The following RBBP8 variants were observed in gnomAD, a reference collection of about 807,000 sequenced individuals.
RBBP8 encodes DNA endonuclease RBBP8.
Under a neutral mutation model 108.3 loss-of-function variants are expected in RBBP8, and 88 were observed. The ratio of observed to expected loss-of-function variants is 0.81; its 90% CI spans 0.68 to 0.97. RBBP8 has a LOEUF of 0.97. Among genes scored for constraint, RBBP8 ranks in the 50% least tolerant of loss-of-function variants. RBBP8 has a pLI of 0.00. For missense variants in RBBP8, 1,023 were observed against 1,049.0 expected (o/e 0.98, Z 0.34); for synonymous variants, 332 against 348.2 (o/e 0.95, Z 0.52).
At chr18:22,980,834 C>G (rs894563908) in intron 6 of RBBP8, among the ~76,000 whole-genome samples, 3 of 151,478 alleles carry the variant, frequency 2.0e-5, no homozygotes, top group East Asian at 1.9e-4. Flanking sequence ...CCCACCTCAC[C>G]CTCCCAAGTA....
chr18:23,001,636 A>G lies in RBBP8; in HGVS notation c.2194A>G (p.Thr732Ala), dbSNP rs780138522. 1.1e-5 allele frequency: 18 copies of G among 1,613,986 alleles called. No individual in the cohort carries two copies. The highest frequency in any genetic ancestry group is 1.4e-5 in the Non-Finnish European group (17 of 1,179,996). The change falls in exon 15 of 19, where the codon ACA becomes GCA. Residue 732 changes from threonine (T) to alanine (A), a missense_variant. Thr to Ala is a moderately conservative substitution (Grantham distance 58). Transcript: ENST00000327155. ...DSLEDMFDRT[T>A]HEEYESCLAD... ...CTTGGAAGATATGTTTGATCGGACA[A>G]CACATGAAGAGTATGAATCCTGTTT...
chr18:23,020,428 TAAATA>T (rs1474072606), intron 17 of RBBP8, among the ~76,000 whole-genome samples: 1 of 151,660 alleles, frequency 6.6e-6, no homozygotes, highest in Non-Finnish European at 1.5e-5. Flanking sequence ...TCTCAATAAA[TAAATA>T]AATAAATAAA....
intron 4 of RBBP8, among the ~76,000 whole-genome samples, chr18:22,955,744 A>ATT (rs200590496): frequency 4.0e-5 from 6 of 150,984 alleles, no homozygotes; most frequent in African/African-American, 4.9e-5. Flanking sequence ...CGCCCGGCTA[A>ATT]TTTTTTTTTG....
chr18:22,979,041 G>A (rs539074796), intron 6 of RBBP8, among the ~76,000 whole-genome samples: 2 of 152,324 alleles, frequency 1.3e-5, no homozygotes, highest in South Asian at 4.1e-4. Flanking sequence ...GCCAAGGTGG[G>A]CAGATCACTT....
chr18:22,940,256 C>T (rs1185887612), intron 2 of RBBP8, among the ~76,000 whole-genome samples: 1 of 151,064 alleles, frequency 6.6e-6, no homozygotes, highest in Non-Finnish European at 1.5e-5. Flanking sequence ...GTATTGACAT[C>T]TTAACAATAT....
intron 3 of RBBP8, among the ~76,000 whole-genome samples, chr18:22,924,682 C>T (rs1259048025): frequency 6.6e-6 from 1 of 152,126 alleles, no homozygotes; most frequent in East Asian, 1.9e-4. Flanking sequence ...CTTAGCCTCC[C>T]AAAATGCTGG....
chr18:22,957,182 A>T (rs1369415858), intron 4 of RBBP8, among the ~76,000 whole-genome samples: 2 of 152,056 alleles, frequency 1.3e-5, no homozygotes, highest in East Asian at 3.8e-4. Flanking sequence ...CATATTATTC[A>T]GGAGACTTTC....
intron 1 of RBBP8, among the ~76,000 whole-genome samples, chr18:22,936,135 T>C (rs1231102957): frequency 6.6e-6 from 1 of 152,170 alleles, no homozygotes; most frequent in Non-Finnish European, 1.5e-5. Context: ...AGACAGGGTC[T>C]CTGTCGCTCA....
chr18:23,020,720 G>A (rs575143650), intron 17 of RBBP8, among the ~76,000 whole-genome samples: 1 of 152,174 alleles, frequency 6.6e-6, no homozygotes, highest in Non-Finnish European at 1.5e-5. Flanking sequence ...CTCTGGCTCT[G>A]CACTTCCTCT....
chr18:22,944,291 T>C (rs1431489283), intron 2 of RBBP8, among the ~76,000 whole-genome samples: 2 of 152,214 alleles, frequency 1.3e-5, no homozygotes, highest in African/African-American at 4.8e-5. Context: ...GAGTAGTTCT[T>C]CCCCTGTTTC....
intron 16 of RBBP8, 74 bp downstream of exon 16, chr18:23,006,506 T>C: frequency 7.7e-7 from 1 of 1,305,396 alleles, no homozygotes; most frequent in Non-Finnish European, 1.1e-6. Context: ...CTCTCTCTTT[T>C]TTCTTTTTTT....
At position 23,022,645 on chromosome 18, in the gene RBBP8, ATACAAT is replaced by A. The variant is rs1163190214; in HGVS notation, c.2596+376_2596+381del. On this transcript the variant is annotated intron_variant, in intron 18 of 18. Coordinates refer to ENST00000327155, the MANE Select transcript of RBBP8 (RefSeq NM_002894.3). ...AATAAAATAAAATAAAATAAATAAA[ATACAAT>A]ATAAAATAAAATAAAATAAATAACT... Among the ~76,000 whole-genome samples the A allele has an allele frequency of 6.2e-3, 276 of 44,868 alleles. 8 individuals are homozygous for A. The highest frequency in any genetic ancestry group is 8.0e-3 in the Admixed American group (36 of 4,512). The allele number at this position is 44,868 out of a possible 152,430, so 29.4% of individuals were successfully genotyped here.
At chr18:23,023,320 T>A (rs1406824983) in intron 18 of RBBP8, among the ~76,000 whole-genome samples, 1 of 152,226 alleles carries the variant, frequency 6.6e-6, no homozygotes, top group East Asian at 1.9e-4. Context: ...TTACCCAGAA[T>A]GCTGGATGTT....
intron 3 of RBBP8, 72 bp from the exon 4 acceptor site, chr18:22,949,546 C>A: frequency 9.2e-7 from 1 of 1,092,886 alleles, no homozygotes; most frequent in Non-Finnish European, 1.4e-6. Flanking sequence ...TATATAAACA[C>A]GGTGGAGCTC....
rs1568005148 is a variant in RBBP8, at chr18:23,016,864, G to A, written c.2394G>A (p.Val798=). ...TGCAAAATTTTCCTCATATTGAGGT[G>A]GTTCGGAAAAAAGAGGAGAGAAGAA... The part of the protein sequence containing the change: ...TSLQNFPHIE[V]VRKKEERRKL... Residue 798 remains valine, a synonymous_variant, in exon 17 of 19, where the codon GTG becomes GTA. Coordinates refer to ENST00000327155, the MANE Select transcript of RBBP8 (RefSeq NM_002894.3). 6.2e-7 allele frequency: 1 copy of A among 1,613,856 alleles called. No individual in the cohort carries two copies. The highest frequency in any genetic ancestry group is 2.2e-5 in the East Asian group (1 of 44,844).
At chr18:22,986,062 G>A (rs1041944622) in intron 8 of RBBP8, among the ~76,000 whole-genome samples, 4 of 149,580 alleles carry the variant, frequency 2.7e-5, no homozygotes, top group Admixed American at 1.4e-4. Flanking sequence ...TAGGTGATAC[G>A]TGTATGCATG....
At chr18:22,972,415 C>A (rs373477765) in intron 5 of RBBP8, among the ~76,000 whole-genome samples, 31 of 116,132 alleles carry the variant, frequency 2.7e-4, no homozygotes, top group African/African-American at 9.6e-4. Context: ...TTGTTTATTT[C>A]TTTTTTTTTT....
At chr18:22,929,921 G>A (rs1488191866), upstream of RBBP8, among the ~76,000 whole-genome samples, 2 of 152,130 alleles carry the variant, frequency 1.3e-5, no homozygotes, top group Non-Finnish European at 2.9e-5. Flanking sequence ...ATTAACTGAT[G>A]CCCTGCATGA....
At position 23,022,663 on chromosome 18, in the gene RBBP8, T is replaced by TAAAATAAAAAAAATAA. The variant is rs1555650172; in HGVS notation, c.2596+401_2596+402insAAAAATAAAAAATAAA. 6.5e-3 allele frequency among the ~76,000 whole-genome samples: 650 copies of TAAAATAAAAAAAATAA among 99,286 alleles called. 143 individuals carry two copies. Among genetic ancestry groups the TAAAATAAAAAAAATAA allele is most frequent in the Middle Eastern group, 0.029 (5 of 170 alleles). The allele number at this position is 99,286 out of a possible 152,430, so 65.1% of individuals were successfully genotyped here. Reference sequence around the variant, plus strand: ...AAATAAAATACAATATAAAATAAAATAAAATAAATAACTGTATATGCCCAA... The same window carrying TAAAATAAAAAAAATAA: ...AAATAAAATACAATATAAAATAAAATAAAATAAAAAAAATAAAAAATAAATAACTGTATATGCCCAA... On this transcript the variant is annotated intron_variant, in intron 18 of 18. Transcript: ENST00000327155.
Sources: allele counts gnomAD v4.1 joint callset (sites outside exome capture counted in the v4.1 genomes callset), GRCh38; gene constraint gnomAD v4.1.1; transcripts MANE v1.5; gene names NCBI Gene and HGNC (gene_info 2026-07-23, HGNC 2026-07-21).